The following HIVEP3 variants were observed in gnomAD, a reference collection of about 807,000 sequenced individuals.
HIVEP3 encodes HIVEP zinc finger 3, also known as transcription factor HIVEP3.
In HIVEP3, 49 loss-of-function variants were observed where a neutral mutation model predicts 152.8. The ratio of observed to expected loss-of-function variants is 0.32; its 90% confidence interval spans 0.26 to 0.41. The LOEUF (loss-of-function observed/expected upper bound fraction) is 0.41. Among genes scored for constraint, HIVEP3 ranks in the 10% least tolerant of loss-of-function variants. The probability of loss-of-function intolerance (pLI) is 1.00; values close to 1 mark genes in which losing one functional copy is unlikely to be tolerated. For missense variants in HIVEP3, 2,790 were observed against 3,103.3 expected (o/e 0.90, Z 2.40); for synonymous variants, 1,269 against 1,289.0 (o/e 0.98, Z 0.33).
In HIVEP3 at chr1:41,710,071, G is replaced by C. The variant is rs547190985; in HGVS notation, c.-800-9076C>G. ...TGCAAGCAACCCTAATGCCCGAAGA[G>C]AGCTCTACTCAAGTTCAAGGCAGAG... On this transcript the variant is annotated intron_variant, in intron 1 of 8. Transcript: ENST00000372583. Among the ~76,000 whole-genome samples the C allele has an allele frequency of 7.9e-5, 12 of 152,252 alleles. No homozygotes were observed. The South Asian group carries it at 2.3e-3, about 29-fold the overall frequency.
intron 1 of HIVEP3, among the ~76,000 whole-genome samples, chr1:41,833,123 A>G (rs1643011525): frequency 6.6e-6 from 1 of 152,248 alleles, no homozygotes; most frequent in East Asian, 1.9e-4. Flanking sequence ...AATGAGAAGC[A>G]AAGTCAAGGT....
intron 1 of HIVEP3, among the ~76,000 whole-genome samples, chr1:41,974,150 A>C (rs911014809): frequency 6.6e-6 from 1 of 152,142 alleles, no homozygotes; most frequent in Non-Finnish European, 1.5e-5. Flanking sequence ...GACTGGAAAA[A>C]GCCAAAGGCA....
intron 6 of HIVEP3, among the ~76,000 whole-genome samples, chr1:41,518,898 T>A (rs1223892001): frequency 6.7e-6 from 1 of 150,284 alleles, no homozygotes; most frequent in Non-Finnish European, 1.5e-5. Context: ...ATTGGCCATC[T>A]CAAGTGTGGG....
At chr1:41,967,315 G>A (rs1313487899) in intron 1 of HIVEP3, among the ~76,000 whole-genome samples, 1 of 152,128 alleles carries the variant, frequency 6.6e-6, no homozygotes, top group Non-Finnish European at 1.5e-5. Context: ...ACACTCCTCA[G>A]CAAATGCAAA....
intron 5 of HIVEP3, among the ~76,000 whole-genome samples, chr1:41,565,605 G>A (rs1644150563): frequency 6.6e-6 from 1 of 151,786 alleles, no homozygotes; most frequent in Non-Finnish European, 1.5e-5. Flanking sequence ...TCTCTAAGAA[G>A]CTGCTTTACC....
chr1:41,530,139 T>G (rs1643201860), intron 5 of HIVEP3, among the ~76,000 whole-genome samples: 1 of 152,120 alleles, frequency 6.6e-6, no homozygotes, highest in African/African-American at 2.4e-5. Flanking sequence ...GGCCAACTGA[T>G]GCCGCCAAGG....
At chr1:41,591,728 C>T (rs990997394) in intron 3 of HIVEP3, among the ~76,000 whole-genome samples, 12 of 151,954 alleles carry the variant, frequency 7.9e-5, no homozygotes, top group Admixed American at 3.3e-4. Flanking sequence ...CATGGCAGAG[C>T]GGCTCTGTCT....
chr1:41,631,435 A>G (rs1645193325), intron 2 of HIVEP3, among the ~76,000 whole-genome samples: 1 of 152,162 alleles, frequency 6.6e-6, no homozygotes, highest in African/African-American at 2.4e-5. Context: ...CTCAGAGTGG[A>G]ACCCAATAAT....
At position 41,669,375 on chromosome 1, in the gene HIVEP3, A is replaced by G. The variant is rs536029797; in HGVS notation, c.-721+31541T>C. ...AGTCTGGGGGTGGGAGGAGGGTGTG[A>G]TGGTTAATTCCATGTGCCATCTCGA... On this transcript the variant is annotated intron_variant, in intron 2 of 8. Coordinates refer to ENST00000372583, the MANE Select transcript of HIVEP3 (RefSeq NM_024503.5). Among the ~76,000 whole-genome samples, 106 of 152,274 alleles carry G rather than the reference A, an allele frequency of 7.0e-4. 1 individual carries two copies. The highest frequency in any genetic ancestry group is 2.1e-3 in the African/African-American group (89 of 41,544).
chr1:41,811,028 T>A lies in HIVEP3; in HGVS notation c.-801+107385A>T, dbSNP rs560887865. Reference sequence around the variant, plus strand: ...CTCCTAGGATGCCCTTTTCCAGCCCTTACAGGGCACTATGATTGTTTATTG... The same window carrying A: ...CTCCTAGGATGCCCTTTTCCAGCCCATACAGGGCACTATGATTGTTTATTG... On this transcript the variant is annotated intron_variant, in intron 1 of 8. Transcript: ENST00000372583. Among the ~76,000 whole-genome samples the A allele has an allele frequency of 6.6e-5, 10 of 152,196 alleles. No individual in the cohort carries two copies. In the East Asian group the frequency reaches 1.9e-3, roughly 29 times the overall value.
chr1:41,745,866 G>T (rs1269427161), intron 1 of HIVEP3, among the ~76,000 whole-genome samples: 1 of 152,232 alleles, frequency 6.6e-6, no homozygotes, highest in African/African-American at 2.4e-5. Context: ...AGGCCTCCTT[G>T]CTGAGGCTTC....
intron 1 of HIVEP3, among the ~76,000 whole-genome samples, chr1:41,844,679 G>A (rs1643385857): frequency 6.6e-6 from 1 of 152,134 alleles, no homozygotes. Flanking sequence ...TAAAATCTAG[G>A]ACCTTCAAGT....
chr1:41,794,823 T>G (rs879660311), intron 1 of HIVEP3, among the ~76,000 whole-genome samples: 20 of 152,194 alleles, frequency 1.3e-4, no homozygotes, highest in Non-Finnish European at 2.4e-4. Flanking sequence ...AATCTTAGAA[T>G]TACAGGAAAA....
intron 1 of HIVEP3, among the ~76,000 whole-genome samples, chr1:41,798,790 A>G (rs760194472): frequency 1.7e-4 from 26 of 152,310 alleles, no homozygotes; most frequent in Non-Finnish European, 3.5e-4. Context: ...TTTGTCATAG[A>G]GCTCACTTTC....
In HIVEP3 at chr1:41,582,919, C is replaced by T. The variant is rs1473927422; in HGVS notation, c.1879G>A (p.Glu627Lys). The change falls in exon 4 of 9, where the codon GAG becomes AAG. Residue 627 changes from glutamate (E) to lysine (K), a missense_variant. Glu to Lys is a moderately conservative substitution (Grantham distance 56). This residue lies in a region of HIVEP3 where 339 missense variants were observed against 327.0 expected (regional missense o/e 1.04). Coordinates refer to ENST00000372583, the MANE Select transcript of HIVEP3 (RefSeq NM_024503.5). The surrounding 1 kb of genome is among the most constrained non-coding windows in gnomAD (Gnocchi z 4.7). ...PSDEVEPKESELTKKTKKGLK... is the reference protein window; with the variant it reads ...PSDEVEPKESKLTKKTKKGLK... ...CCCTTCTTGGTCTTTTTGGTAAGCT[C>T]GCTTTCCTTGGGTTCCACTTCGTCC... The T allele has an allele frequency of 5.6e-6, 9 of 1,613,970 alleles. No homozygotes were observed. The highest frequency in any genetic ancestry group is 2.2e-5 in the South Asian group (2 of 91,076).
intron 2 of HIVEP3, among the ~76,000 whole-genome samples, chr1:41,687,742 C>A (rs1249495349): frequency 6.6e-6 from 1 of 152,216 alleles, no homozygotes; most frequent in African/African-American, 2.4e-5. Context: ...GCTTATCTAC[C>A]AAAAGGTGAA....
intron 1 of HIVEP3, among the ~76,000 whole-genome samples, chr1:42,035,251 C>A (rs1364394562): frequency 1.3e-5 from 2 of 152,214 alleles, no homozygotes; most frequent in African/African-American, 4.8e-5. Context: ...ACGGAGAGAC[C>A]CGGGCGCCCT....
At chr1:41,793,548 C>A (rs923902879) in intron 1 of HIVEP3, among the ~76,000 whole-genome samples, 1 of 152,154 alleles carries the variant, frequency 6.6e-6, no homozygotes, top group African/African-American at 2.4e-5. Flanking sequence ...ACATCATAAG[C>A]ATTAATTCAT....
intron 1 of HIVEP3, among the ~76,000 whole-genome samples, chr1:41,703,464 G>A (rs997365877): frequency 5.9e-5 from 9 of 152,164 alleles, no homozygotes; most frequent in Non-Finnish European, 8.8e-5. Flanking sequence ...CTTAATAGCT[G>A]TGGGACCTTG....
Sources: gnomAD v4.1 joint callset for allele counts (sites outside exome capture counted in the v4.1 genomes callset) on GRCh38, gnomAD v4.1.1 for gene constraint, gnomAD v4.1.1 regional missense constraint, Gnocchi (gnomAD v3.1) non-coding constraint, MANE v1.5 for transcripts, NCBI Gene and HGNC (gene_info 2026-07-23, HGNC 2026-07-21) for gene names.